The following SPTBN5 variants were observed in gnomAD, a reference collection of about 807,000 sequenced individuals.
SPTBN5 encodes the protein spectrin beta, non-erythrocytic 5.
SPTBN5 carries 513 observed loss-of-function variants against 477.6 expected under a neutral mutation model. The observed-to-expected ratio is 1.07, with a 90% confidence interval of 1.00 to 1.16. The LOEUF is 1.16. SPTBN5 is among the 50% of genes most tolerant of loss of function. SPTBN5 has a pLI of 0.00. For synonymous variants in SPTBN5, 2,169 were observed against 2,011.7 expected (o/e 1.08, Z -2.09); for missense variants, 5,062 against 4,731.8 (o/e 1.07, Z -2.05).
Position 41,881,020 on chromosome 15 carries a change from A to G in SPTBN5, c.2658+14T>C. 6.4e-7 allele frequency: 1 copy of G among 1,555,194 alleles called. No individual in the cohort carries two copies. The highest frequency in any genetic ancestry group is 8.7e-7 in the Non-Finnish European group (1 of 1,148,558). On this transcript the variant is annotated intron_variant, in intron 13 of 67. Coordinates refer to ENST00000320955, the MANE Select transcript of SPTBN5 (RefSeq NM_016642.4). ...GAGTAAGGACTCGAGCATTTCTTGA[A>G]AAAGAAGTGTTACCTGTGCCAGGGC... is the stretch of plus-strand genomic sequence containing the variant.
In SPTBN5 at chr15:41,888,503, T is replaced by C. The variant is rs926550823; in HGVS notation, c.502-418A>G. 4.6e-5 allele frequency among the ~76,000 whole-genome samples: 7 copies of C among 152,216 alleles called. No individual in the cohort carries two copies. The East Asian group carries it at 1.3e-3, about 29-fold the overall frequency. ...TTTCTGTGAGCCAGGCCCAGTGTTA[T>C]GGGCTGGAGTGCAGTGGCACGATCT... On this transcript the variant is annotated intron_variant, in intron 4 of 67. Transcript: ENST00000320955.
In SPTBN5 at chr15:41,861,944, G is replaced by A. The variant is rs1316168997; in HGVS notation, c.7549-21C>T. 3 of 1,587,920 alleles carry A rather than the reference G, an allele frequency of 1.9e-6. No homozygotes were observed. The East Asian group carries it at 6.8e-5, about 36-fold the overall frequency. On this transcript the variant is annotated intron_variant, in intron 44 of 67. Coordinates refer to ENST00000320955, the MANE Select transcript of SPTBN5 (RefSeq NM_016642.4). ...TCGGCCTGGAACAGGACTGGGCTCAGATCACTGGGGGCTGGAAGCAGCCCA... is the reference window on the plus strand; with the variant it reads ...TCGGCCTGGAACAGGACTGGGCTCAAATCACTGGGGGCTGGAAGCAGCCCA...
At chr15:41,873,361 G>A in intron 26 of SPTBN5, 131 bp downstream of exon 26, 2 of 699,546 alleles carry the variant, frequency 2.9e-6, no homozygotes, top group East Asian at 2.7e-5. Context: ...GGGAAGTGGG[G>A]ATGGGGCTGT....
Position 41,882,165 on chromosome 15 carries a change from G to A in SPTBN5, c.2248-20C>T. 6.4e-7 allele frequency: 1 copy of A among 1,551,432 alleles called. No individual in the cohort carries two copies. Among genetic ancestry groups the A allele is most frequent in the Non-Finnish European group, 8.6e-7 (1 of 1,158,468 alleles). On this transcript the variant is annotated intron_variant, in intron 11 of 67. Transcript: ENST00000320955. ...GAAGTACTGTGGGAGGGGGTCGGGG[G>A]TGGTGTGGGTGAAGGGGCGCGGCTG... is the stretch of plus-strand genomic sequence containing the variant.
In SPTBN5 at chr15:41,890,105, T is replaced by C. The variant is rs1336285624; in HGVS notation, c.485A>G (p.His162Arg). The C allele has an allele frequency of 6.2e-7, 1 of 1,611,274 alleles. No homozygotes were observed. The stretch of plus-strand genomic sequence containing the variant: ...GAGCCATACCTTGTCCAAGGAGATG[T>C]GGGAGATCTGGAAACGCAGAATGAT... ...WVIILRFQIS[H>R]ISLDKEEFGA... The change falls in exon 4 of 68, where the codon CAC (histidine) becomes CGC (arginine). Residue 162 changes from histidine to arginine, a missense_variant. Physicochemically the swap from His to Arg is conservative, Grantham distance 29. Coordinates refer to ENST00000320955, the MANE Select transcript of SPTBN5 (RefSeq NM_016642.4).
At chr15:41,884,839 G>T (rs2067094896) in intron 7 of SPTBN5, among the ~76,000 whole-genome samples, 1 of 152,088 alleles carries the variant, frequency 6.6e-6, no homozygotes, top group Non-Finnish European at 1.5e-5. Context: ...TTTCAAACCT[G>T]CCAGGCATGT....
Position 41,876,954 on chromosome 15 carries a change from A to G in SPTBN5, c.3712-6T>C. 1.2e-6 allele frequency: 2 copies of G among 1,603,688 alleles called. No individual in the cohort carries two copies. The highest frequency in any genetic ancestry group is 1.7e-6 in the Non-Finnish European group (2 of 1,176,286). On this transcript the variant is annotated splice_polypyrimidine_tract_variant and splice_region_variant and intron_variant, in intron 18 of 67. Transcript: ENST00000320955. ...AGGGCCTCCCTCACGTCCTCCTGGG[A>G]GTGCAGAGACCTGAGGTCATGCCTG...
At position 41,857,302 on chromosome 15, in the gene SPTBN5, A is replaced by G; in HGVS notation, c.8557T>C (p.Phe2853Leu). 6.4e-7 allele frequency: 1 copy of G among 1,570,462 alleles called. No homozygotes were observed. Among genetic ancestry groups the G allele is most frequent in the Non-Finnish European group, 8.6e-7 (1 of 1,158,394 alleles). ...GCAAGGCAGTGGCCTTCCCTCACAAAGGCCTGGGCCTGGCCCAGCAGTGCC... is the reference window on the plus strand; with the variant it reads ...GCAAGGCAGTGGCCTTCCCTCACAAGGGCCTGGGCCTGGCCCAGCAGTGCC... ...AEALLGQAQA[F>L]VREGHCLAQD... The change falls in exon 51 of 68, where the codon TTT becomes CTT. Residue 2853 changes from phenylalanine to leucine, a missense_variant. Transcript: ENST00000320955.
chr15:41,849,869 C>G lies in SPTBN5; in HGVS notation c.11012G>C (p.Arg3671Thr), dbSNP rs1332205136. 1 of 1,570,384 alleles carries G rather than the reference C, an allele frequency of 6.4e-7. No individual in the cohort carries two copies. Among genetic ancestry groups the G allele is most frequent in the Non-Finnish European group, 8.6e-7 (1 of 1,157,550 alleles). Reference sequence around the variant, plus strand: ...TGCTTCCCCCACCCAGGTGTCCCACCTGAGTAGACATCCAGGCCGGGCATC... The same window carrying G: ...TGCTTCCCCCACCCAGGTGTCCCACGTGAGTAGACATCCAGGCCGGGCATC... The part of the protein sequence containing the change: ...TKDARPGCLL[R>T]SDP The change falls in exon 67 of 68, where the codon AGG becomes ACG. Residue 3671 changes from arginine (R) to threonine (T), a missense_variant and splice_region_variant. Physicochemically the swap from Arg to Thr is moderately conservative, Grantham distance 71. Transcript: ENST00000320955.
In SPTBN5 at chr15:41,851,849, T is replaced by C. The variant is rs367912871; in HGVS notation, c.10586A>G (p.Asp3529Gly). ...CTCCATGGTGGGGGTACCCTTTGCA[T>C]CCTGAAAATGCAAGATGGGGCCCAG... Reference protein sequence around the residue: ...AQLAETRDPQDAKGTPTMEGS... With the variant: ...AQLAETRDPQGAKGTPTMEGS... Residue 3529 changes from aspartate (D) to glycine (G), a missense_variant and splice_region_variant, in exon 63 of 68, where the codon GAT (aspartate) becomes GGT (glycine). Transcript: ENST00000320955. The C allele has an allele frequency of 6.2e-7, 1 of 1,609,054 alleles. No homozygotes were observed. The highest frequency in any genetic ancestry group is 1.3e-5 in the African/African-American group (1 of 74,728).
intron 1 of SPTBN5, 22 bp from the exon 2 acceptor site, chr15:41,893,568 G>A (rs1386428093): frequency 6.6e-7 from 1 of 1,522,518 alleles, no homozygotes. Context: ...GCAGATTAGG[G>A]GATGATGTGA....
intron 67 of SPTBN5, 29 bp from the exon 68 acceptor site, chr15:41,848,657 G>C: frequency 6.2e-7 from 1 of 1,613,630 alleles, no homozygotes. Context: ...GAATTTAGTA[G>C]GGTATGGCCA....
Position 41,892,884 on chromosome 15 carries a change from T to G in SPTBN5, c.384+10A>C, listed in dbSNP as rs753768676. Reference sequence around the variant, plus strand: ...CAGCACCATCCCAGACCCCTTTCCCTGGGGCCCACCTTGGCCCTGAGGAAG... The same window carrying G: ...CAGCACCATCCCAGACCCCTTTCCCGGGGGCCCACCTTGGCCCTGAGGAAG... On this transcript the variant is annotated intron_variant, in intron 3 of 67. Transcript: ENST00000320955. 10 of 1,587,894 alleles carry G rather than the reference T, an allele frequency of 6.3e-6. No individual in the cohort carries two copies. Among genetic ancestry groups the G allele is most frequent in the Non-Finnish European group, 8.5e-6 (10 of 1,171,376 alleles).
intron 15 of SPTBN5, 36 bp from the exon 16 acceptor site, chr15:41,879,535 G>A: frequency 6.5e-7 from 1 of 1,527,052 alleles, no homozygotes; most frequent in Non-Finnish European, 8.8e-7. Flanking sequence ...CCACAACAGG[G>A]ACACCTCCCC....
At chr15:41,850,295 G>A (rs1437265280) in intron 66 of SPTBN5, 6 of 336,606 alleles carry the variant, frequency 1.8e-5, no homozygotes, top group African/African-American at 4.1e-5. Context: ...GGGAACCAGC[G>A]ACAGAGCTAG....
chr15:41,873,165 C>A (rs761301547), intron 26 of SPTBN5, among the ~76,000 whole-genome samples: 1 of 152,032 alleles, frequency 6.6e-6, no homozygotes, highest in African/African-American at 2.4e-5. Context: ...AGATGTGGAG[C>A]GGGCTGGGCA....
intron 24 of SPTBN5, 64 bp from the exon 25 acceptor site, chr15:41,874,109 G>A (rs971519447): frequency 2.0e-6 from 3 of 1,526,700 alleles, no homozygotes; most frequent in Non-Finnish European, 2.6e-6. Context: ...CAGAGCCATG[G>A]ATGTGGCTCC....
At position 41,852,294 on chromosome 15, in the gene SPTBN5, T is replaced by G. The variant is rs1391558778; in HGVS notation, c.10472A>C (p.Gln3491Pro). 6 of 1,595,902 alleles carry G rather than the reference T, an allele frequency of 3.8e-6. No individual in the cohort carries two copies. The highest frequency in any genetic ancestry group is 2.3e-5 in the East Asian group (1 of 44,092). ...TCTCCCGGGCTTCAGCTCCTGTGGC[T>G]GCAGCAGGAGCTCCTGTTCCATCTT... Reference protein sequence around the residue: ...KTEMEQELLLQPQELKPGRAG... With the variant: ...KTEMEQELLLPPQELKPGRAG... The change falls in exon 62 of 68, where the codon CAG (glutamine) becomes CCG (proline). Residue 3491 changes from glutamine to proline, a missense_variant. Coordinates refer to ENST00000320955, the MANE Select transcript of SPTBN5 (RefSeq NM_016642.4).
intron 13 of SPTBN5, 139 bp from the exon 14 acceptor site, chr15:41,880,451 C>T: frequency 1.1e-6 from 1 of 886,194 alleles, no homozygotes; most frequent in Non-Finnish European, 1.7e-6. Flanking sequence ...CCCTGCCTCA[C>T]TGCTGGGCCC....
Sources: gnomAD v4.1 joint callset for allele counts (sites outside exome capture counted in the v4.1 genomes callset) on GRCh38, gnomAD v4.1.1 for gene constraint, MANE v1.5 for transcripts, NCBI Gene and HGNC (gene_info 2026-07-23, HGNC 2026-07-21) for gene names.